SLC6A13: variants seen among roughly 807,000 people sequenced by gnomAD.
The protein encoded by SLC6A13 is sodium- and chloride-dependent GABA transporter 2.
In SLC6A13, 69 loss-of-function variants were observed where a neutral mutation model predicts 72.9. That is an observed-to-expected ratio of 0.95 (90% CI 0.78 to 1.16). The LOEUF is 1.16. SLC6A13 is among the 50% of genes most tolerant of loss of function. SLC6A13 has a pLI of 0.00. For synonymous variants in SLC6A13, 303 were observed against 303.0 expected (o/e 1.00, Z 0.00); for missense variants, 735 against 760.5 (o/e 0.97, Z 0.39).
intron 4 of SLC6A13, among the ~76,000 whole-genome samples, chr12:240,956 G>T (rs1942143735): frequency 6.6e-6 from 1 of 152,174 alleles, no homozygotes; most frequent in South Asian, 2.1e-4. Flanking sequence ...GTGCAAAAAT[G>T]CTTTTCCGGG....
rs1941257485 is a variant in SLC6A13 at position 222,573 on chromosome 12, T to C, written c.1474A>G (p.Ile492Val). 6.2e-7 allele frequency: 1 copy of C among 1,610,592 alleles called. No individual in the cohort carries two copies. The highest frequency in any genetic ancestry group is 1.3e-5 in the African/African-American group (1 of 74,820). ...DMIGYRPWPL[I>V]KYCWLFLTPA... is the part of the protein sequence containing the mutation. Reference sequence around the variant, plus strand: ...GTGAGGAAGAGCCAACAGTATTTGATAAGAGGCCATGGCCTGTACCCAATC... The same window carrying C: ...GTGAGGAAGAGCCAACAGTATTTGACAAGAGGCCATGGCCTGTACCCAATC... Residue 492 changes from isoleucine to valine, a missense_variant, in exon 13 of 15, where the codon ATC becomes GTC. Ile to Val is a conservative substitution (Grantham distance 29). Coordinates refer to ENST00000343164, the MANE Select transcript of SLC6A13 (RefSeq NM_016615.5).
At chr12:247,692 A>T (rs1942401446) in intron 2 of SLC6A13, among the ~76,000 whole-genome samples, 1 of 152,206 alleles carries the variant, frequency 6.6e-6, no homozygotes, top group African/African-American at 2.4e-5. Flanking sequence ...TACATAGATA[A>T]ACATAGAGAA....
chr12:240,132 C>T (rs10774021), intron 4 of SLC6A13, among the ~76,000 whole-genome samples: 86,280 of 151,852 alleles, frequency 0.57, 25,529 homozygotes, highest in Non-Finnish European at 0.65. Context: ...CAAGGGTGGT[C>T]TCAGTACACA....
intron 6 of SLC6A13, among the ~76,000 whole-genome samples, chr12:236,010 G>A (rs901327071): frequency 2.0e-5 from 3 of 152,090 alleles, no homozygotes; most frequent in Non-Finnish European, 2.9e-5. Context: ...CTCTGCTCTT[G>A]AACCCTATTT....
chr12:255,792 C>A (rs544285944), intron 2 of SLC6A13, among the ~76,000 whole-genome samples: 17 of 152,310 alleles, frequency 1.1e-4, no homozygotes, highest in African/African-American at 3.8e-4. Context: ...GAGTGGCCAA[C>A]CTGACATACC....
intron 2 of SLC6A13, among the ~76,000 whole-genome samples, chr12:257,644 TG>T (rs749635419): frequency 6.6e-6 from 1 of 152,090 alleles, no homozygotes; most frequent in African/African-American, 2.4e-5. Flanking sequence ...CCAAGGGCTG[TG>T]GGTACTCTGC....
chr12:223,781 C>G (rs1941318566), intron 11 of SLC6A13: 1 of 576,352 alleles, frequency 1.7e-6, no homozygotes, highest in Non-Finnish European at 3.1e-6. Context: ...GGCTCCTCAC[C>G]CATCCCTGGA....
chr12:220,859 C>T lies in SLC6A13; in HGVS notation c.*89G>A. ...TGTCTTATCCACTCCAGGTCGGGGGCAGGGAAGCACATGGGGCTGCTTCTG... is the reference window on the plus strand; with the variant it reads ...TGTCTTATCCACTCCAGGTCGGGGGTAGGGAAGCACATGGGGCTGCTTCTG... On this transcript the variant is annotated 3_prime_UTR_variant, in exon 15 of 15. Coordinates refer to ENST00000343164, the MANE Select transcript of SLC6A13 (RefSeq NM_016615.5). 6.5e-7 allele frequency: 1 copy of T among 1,532,598 alleles called. No homozygotes were observed. The highest frequency in any genetic ancestry group is 8.9e-7 in the Non-Finnish European group (1 of 1,129,476). The allele number at this position is 1,532,598 out of a possible 1,614,324, so 94.9% of individuals were successfully genotyped here.
chr12:233,302 A>G (rs1183638336), intron 7 of SLC6A13, among the ~76,000 whole-genome samples: 1 of 152,182 alleles, frequency 6.6e-6, no homozygotes, highest in African/African-American at 2.4e-5. Flanking sequence ...TGGCTTTGCC[A>G]GCTTTCAGAT....
At chr12:257,503 C>T (rs990317728) in intron 2 of SLC6A13, among the ~76,000 whole-genome samples, 2 of 152,150 alleles carry the variant, frequency 1.3e-5, no homozygotes, top group African/African-American at 4.8e-5. Context: ...GACTGGATGG[C>T]AGGACTCCCA....
chr12:223,723 T>C lies in SLC6A13; in HGVS notation c.1311+269A>G, dbSNP rs73604834. On this transcript the variant is annotated intron_variant, in intron 11 of 14. Coordinates refer to ENST00000343164, the MANE Select transcript of SLC6A13 (RefSeq NM_016615.5). ...CAGATCTTGCTGGAGAGTCAGCTTC[T>C]CCCAATCCAATGCTCCACATACCTC... The C allele has an allele frequency of 7.4e-3, 3,214 of 435,322 alleles. 79 individuals carry two copies. The highest frequency in any genetic ancestry group is 0.058 in the African/African-American group (2,978 of 51,220). The allele number at this position is 435,322 out of a possible 1,614,324, so 27.0% of individuals were successfully genotyped here.
rs372402934 is a variant in SLC6A13, at chr12:237,965, G to A, written c.524C>T (p.Thr175Ile). ...FQKTNGSLNG[T>I]SENATSPVIE... ...GACAGGAGAGGTGGCATTCTCAGAGGTACCATTCAGGGAGCCGTTGGTCTT... is the reference window on the plus strand; with the variant it reads ...GACAGGAGAGGTGGCATTCTCAGAGATACCATTCAGGGAGCCGTTGGTCTT... The change falls in exon 5 of 15, where the codon ACC becomes ATC. Residue 175 changes from threonine to isoleucine, a missense_variant. Transcript: ENST00000343164. The A allele has an allele frequency of 6.2e-7, 1 of 1,614,046 alleles. No homozygotes were observed. Among genetic ancestry groups the A allele is most frequent in the Non-Finnish European group, 8.5e-7 (1 of 1,179,966 alleles).
At chr12:223,489 A>G (rs1941305057) in intron 11 of SLC6A13, among the ~76,000 whole-genome samples, 1 of 152,188 alleles carries the variant, frequency 6.6e-6, no homozygotes, top group African/African-American at 2.4e-5. Context: ...ATCTGAGAAC[A>G]CTTAGGCACT....
At chr12:255,889 C>T (rs1319856144) in intron 2 of SLC6A13, among the ~76,000 whole-genome samples, 1 of 152,118 alleles carries the variant, frequency 6.6e-6, no homozygotes, top group Non-Finnish European at 1.5e-5. Flanking sequence ...TTGAGTCCTC[C>T]TCAAACAAGC....
intron 2 of SLC6A13, among the ~76,000 whole-genome samples, chr12:250,235 T>C (rs1379768019): frequency 6.6e-6 from 1 of 152,224 alleles, no homozygotes; most frequent in Non-Finnish European, 1.5e-5. Flanking sequence ...AACAAGTGTC[T>C]ATTCTTACTA....
intron 2 of SLC6A13, among the ~76,000 whole-genome samples, chr12:255,009 A>T (rs1171797356): frequency 6.6e-6 from 1 of 152,004 alleles, no homozygotes; most frequent in African/African-American, 2.4e-5. Context: ...CAACAAAACA[A>T]AACACAAAAC....
At chr12:237,407 C>T in intron 5 of SLC6A13, 117 bp from the exon 6 acceptor site, 2 of 1,132,552 alleles carry the variant, frequency 1.8e-6, no homozygotes, top group Non-Finnish European at 2.6e-6. Flanking sequence ...GGCTTCTCTG[C>T]TCTCTTCACA....
intron 7 of SLC6A13, among the ~76,000 whole-genome samples, chr12:231,606 G>A (rs992135220): frequency 6.6e-6 from 1 of 152,158 alleles, no homozygotes; most frequent in East Asian, 1.9e-4. Context: ...CCTCCCCACA[G>A]CCCCAAAGCA....
intron 13 of SLC6A13, 75 bp from the exon 14 acceptor site, chr12:221,621 G>C: frequency 1.0e-6 from 1 of 997,930 alleles, no homozygotes; most frequent in Admixed American, 2.3e-5. Context: ...CTCCCCAGCA[G>C]CCTGGCAGAA....
Sources: gnomAD v4.1 joint callset for allele counts (sites outside exome capture counted in the v4.1 genomes callset) on GRCh38, gnomAD v4.1.1 for gene constraint, MANE v1.5 for transcripts, NCBI Gene and HGNC (gene_info 2026-07-23, HGNC 2026-07-21) for gene names.